The following TTC3 variants were observed in gnomAD, a reference collection of about 807,000 sequenced individuals.
The protein encoded by TTC3 is E3 ubiquitin-protein ligase TTC3.
A neutral mutation model predicts 249.6 loss-of-function variants in TTC3; 180 were observed. The observed-to-expected ratio is 0.72, with a 90% CI of 0.64 to 0.82. TTC3 has a LOEUF of 0.82. TTC3 is among the 40% of genes least tolerant of loss of function. TTC3 has a pLI of 0.00. For synonymous variants in TTC3, 717 were observed against 805.0 expected (o/e 0.89, Z 1.85); for missense variants, 2,061 against 2,398.4 (o/e 0.86, Z 2.94).
In TTC3 at chr21:37,128,577, G is replaced by A. The variant is rs550981932; in HGVS notation, c.1298-426G>A. 1.7e-4 allele frequency among the ~76,000 whole-genome samples: 26 copies of A among 152,248 alleles called. 1 individual carries two copies. Among genetic ancestry groups the A allele is most frequent in the African/African-American group, 5.3e-4 (22 of 41,544 alleles). ...CATTTTTCTCAGCCACTCCAGCTTAGGTGATTTTTCCCTTTTGTGAGTTGT... is the reference window on the plus strand; with the variant it reads ...CATTTTTCTCAGCCACTCCAGCTTAAGTGATTTTTCCCTTTTGTGAGTTGT... On this transcript the variant is annotated intron_variant, in intron 15 of 45. Coordinates refer to ENST00000355666, the Ensembl canonical transcript of TTC3.
chr21:37,191,534 A>AT (rs1029010531), intron 40 of TTC3, 110 bp downstream of exon 40: 19 of 629,704 alleles, frequency 3.0e-5, no homozygotes, highest in Middle Eastern at 4.7e-4. Context: ...ATTATCAATA[A>AT]TTTTTTTTGT....
At chr21:37,102,130 C>T (rs2074574551) in intron 10 of TTC3, among the ~76,000 whole-genome samples, 1 of 151,926 alleles carries the variant, frequency 6.6e-6, no homozygotes. Context: ...AATGAAAGAA[C>T]ATATCATTTT....
chr21:37,142,175 C>G (rs1316012449), intron 20 of TTC3, among the ~76,000 whole-genome samples: 1 of 152,134 alleles, frequency 6.6e-6, no homozygotes, highest in African/African-American at 2.4e-5. Context: ...GAAGCATTTC[C>G]TTTGAAAACT....
chr21:37,124,109 G>GTTTTTTT (rs1167142816), intron 13 of TTC3, among the ~76,000 whole-genome samples: 3 of 26,148 alleles, frequency 1.1e-4, no homozygotes, highest in Admixed American at 1.0e-3. Flanking sequence ...TTTTTGAACT[G>GTTTTTTT]TTCTTTTTTT....
chr21:37,166,055 C>T, exon 33 of TTC3: 1 of 1,614,196 alleles, frequency 6.2e-7, no homozygotes, highest in Non-Finnish European at 8.5e-7. Flanking sequence ...TTCTCCTAAA[C>T]CAGGCTCTGA....
At chr21:37,087,032 T>C (rs923601545) in intron 1 of TTC3, 11 of 541,474 alleles carry the variant, frequency 2.0e-5, no homozygotes, top group Non-Finnish European at 3.2e-5. Context: ...TATGTGAACC[T>C]GAGGAAAGGA....
chr21:37,104,371 C>T lies in TTC3; in HGVS notation c.846-4021C>T, dbSNP rs190272756. ...TTGGGAGGCCGAGGTGGGAGGATCA[C>T]CAGAGGTCAGGAGTTCGAGACCAGC... On this transcript the variant is annotated intron_variant, in intron 10 of 45. Coordinates refer to ENST00000355666, the Ensembl canonical transcript of TTC3. Among the ~76,000 whole-genome samples the T allele has an allele frequency of 7.6e-3, 1,156 of 152,092 alleles. 9 individuals carry two copies. Among genetic ancestry groups the T allele is most frequent in the Non-Finnish European group, 0.013 (886 of 67,986 alleles).
intron 35 of TTC3, among the ~76,000 whole-genome samples, chr21:37,179,247 A>G (rs1013377806): frequency 6.6e-6 from 1 of 152,222 alleles, no homozygotes; most frequent in African/African-American, 2.4e-5. Context: ...TGATCTTGCC[A>G]CTGCACTACA....
intron 11 of TTC3, among the ~76,000 whole-genome samples, chr21:37,115,521 C>G (rs965475417): frequency 2.6e-5 from 4 of 152,144 alleles, no homozygotes; most frequent in Non-Finnish European, 5.9e-5. Context: ...AAATTTCTTG[C>G]AAATGTGCAC....
At chr21:37,109,956 C>T (rs182725022) in intron 11 of TTC3, among the ~76,000 whole-genome samples, 2 of 152,116 alleles carry the variant, frequency 1.3e-5, no homozygotes, top group African/African-American at 2.4e-5. Flanking sequence ...AACAGGGTCT[C>T]GAGTGGACCT....
chr21:37,082,686 A>G (rs2039340922), intron 1 of TTC3: 3 of 984,512 alleles, frequency 3.0e-6, no homozygotes, highest in South Asian at 9.4e-5. Flanking sequence ...CCCTATTTCT[A>G]TGAGCTCAGC....
chr21:37,074,698 G>T (rs533359994), intron 1 of TTC3, among the ~76,000 whole-genome samples: 6 of 152,208 alleles, frequency 3.9e-5, no homozygotes, highest in African/African-American at 1.4e-4. Context: ...AAGGAAAATG[G>T]GATATAGTAT....
intron 1 of TTC3, among the ~76,000 whole-genome samples, chr21:37,084,542 A>T (rs967254451): frequency 3.3e-5 from 5 of 152,154 alleles, no homozygotes; most frequent in African/African-American, 1.2e-4. Context: ...CGTTATCCCC[A>T]TTTGATATGC....
chr21:37,112,944 A>G (rs1193856222), intron 11 of TTC3, among the ~76,000 whole-genome samples: 1 of 152,258 alleles, frequency 6.6e-6, no homozygotes, highest in East Asian at 1.9e-4. Context: ...CAAAAACCAC[A>G]TGATTATCTC....
intron 13 of TTC3, among the ~76,000 whole-genome samples, chr21:37,124,232 C>T (rs1462775997): frequency 6.7e-6 from 1 of 148,258 alleles, no homozygotes; most frequent in East Asian, 2.0e-4. Flanking sequence ...TCTCCTGCCT[C>T]AGCCTCCCCA....
exon 26 of TTC3, chr21:37,152,022 G>C: frequency 6.3e-7 from 1 of 1,585,538 alleles, no homozygotes; most frequent in Non-Finnish European, 8.5e-7. Context: ...AAAATGAAGA[G>C]CAGAAAGGTA....
intron 5 of TTC3, 107 bp from the exon 6 acceptor site, chr21:37,090,126 C>G (rs933583912): frequency 2.8e-6 from 2 of 721,510 alleles, no homozygotes; most frequent in Non-Finnish European, 2.3e-6. Context: ...AAGTGTACTA[C>G]TGAGTACATA....
intron 10 of TTC3, among the ~76,000 whole-genome samples, chr21:37,103,444 T>A (rs2074723885): frequency 6.6e-6 from 1 of 152,132 alleles, no homozygotes; most frequent in Non-Finnish European, 1.5e-5. Flanking sequence ...TCAAACCTGA[T>A]TATTTAGACC....
chr21:37,129,089 T>G lies in TTC3; in HGVS notation c.1358+26T>G. 3 of 1,531,568 alleles carry G rather than the reference T, an allele frequency of 2.0e-6. No individual in the cohort carries two copies. The South Asian group carries it at 3.7e-5, about 19-fold the overall frequency. The allele number at this position is 1,531,568 out of a possible 1,614,324, so 94.9% of individuals were successfully genotyped here. A position where few individuals can be genotyped will look rare whatever the true frequency, so the allele number is the denominator to read the frequency against. Reference sequence around the variant, plus strand: ...GTATGTTTTTTCTCTAAGGTATGTTTTTTTCCCCTTAATATACTCTTCCCA... The same window carrying G: ...GTATGTTTTTTCTCTAAGGTATGTTGTTTTCCCCTTAATATACTCTTCCCA... On this transcript the variant is annotated intron_variant, in intron 16 of 45. Coordinates refer to ENST00000355666, the Ensembl canonical transcript of TTC3.
Sources: gnomAD v4.1 joint callset for allele counts (sites outside exome capture counted in the v4.1 genomes callset) on GRCh38, gnomAD v4.1.1 for gene constraint, MANE v1.5 for transcripts, NCBI Gene and HGNC (gene_info 2026-07-23, HGNC 2026-07-21) for gene names.